Variants in KCND2 observed in about 807,000 individuals in gnomAD.
The protein encoded by KCND2 is potassium voltage-gated channel subfamily D member 2.
Under a neutral mutation model 54.4 loss-of-function variants are expected in KCND2, and 16 were observed. The ratio of observed to expected loss-of-function variants is 0.29; its 90% CI spans 0.20 to 0.45. The LOEUF (loss-of-function observed/expected upper bound fraction) is 0.45. Among genes scored for constraint, KCND2 ranks in the 20% least tolerant of loss-of-function variants. KCND2 has a pLI of 1.00. For missense variants in KCND2, 486 were observed against 824.2 expected (o/e 0.59, Z 5.02); for synonymous variants, 317 against 310.7 (o/e 1.02, Z -0.21).
At chr7:120,289,200 C>T (rs1799398108) in intron 1 of KCND2, among the ~76,000 whole-genome samples, 1 of 152,002 alleles carries the variant, frequency 6.6e-6, no homozygotes, top group Admixed American at 6.6e-5. Flanking sequence ...GGCCCCTATT[C>T]TGTAGCAGGC....
rs869059871 is a variant in KCND2, at chr7:120,712,241, A to ATTTTTTTTTTTTTTTT, written c.1116-20637_1116-20622dup. ...TTTTCTTTGAATTTTGGATATCTGAATTTTTTTTTTTTTTTTTTTTTTTTT... is the reference window on the plus strand; with the variant it reads ...TTTTCTTTGAATTTTGGATATCTGAATTTTTTTTTTTTTTTTTTTTTTTTTTTTTTTTTTTTTTTTT... On this transcript the variant is annotated intron_variant, in intron 1 of 5. Coordinates refer to ENST00000331113, the MANE Select transcript of KCND2 (RefSeq NM_012281.3). Among the ~76,000 whole-genome samples the ATTTTTTTTTTTTTTTT allele has an allele frequency of 7.2e-4, 25 of 34,784 alleles. 11 individuals carry two copies. Among genetic ancestry groups the ATTTTTTTTTTTTTTTT allele is most frequent in the Non-Finnish European group, 1.1e-3 (20 of 18,962 alleles). The allele number at this position is 34,784 out of a possible 152,430, so 22.8% of individuals were successfully genotyped here.
chr7:120,568,062 T>C (rs1055812384), intron 1 of KCND2, among the ~76,000 whole-genome samples: 1 of 151,814 alleles, frequency 6.6e-6, no homozygotes, highest in Admixed American at 6.6e-5. Context: ...CAATTTCCAA[T>C]TTAAAGCATC....
intron 5 of KCND2, among the ~76,000 whole-genome samples, 189 bp from the exon 6 acceptor site, chr7:120,747,492 T>C (rs1419578768): frequency 1.3e-5 from 2 of 152,112 alleles, no homozygotes; most frequent in Non-Finnish European, 2.9e-5. Context: ...TTTTAGAAAT[T>C]TATTTAATGT....
intron 1 of KCND2, among the ~76,000 whole-genome samples, chr7:120,527,131 C>G (rs756600242): frequency 5.9e-5 from 9 of 152,024 alleles, no homozygotes; most frequent in Non-Finnish European, 1.5e-5. Flanking sequence ...TATATCGTTA[C>G]ACAGTATATA....
chr7:120,665,856 C>T (rs1238555674), intron 1 of KCND2, among the ~76,000 whole-genome samples: 1 of 151,966 alleles, frequency 6.6e-6, no homozygotes, highest in Non-Finnish European at 1.5e-5. Flanking sequence ...TAAACATGCA[C>T]ACCCAATCAG....
rs1799651612 is a variant in KCND2, at chr7:120,306,359, G to A, written c.1115+30612G>A. Among the ~76,000 whole-genome samples, 4 of 151,748 alleles carry A rather than the reference G, an allele frequency of 2.6e-5. No individual in the cohort carries two copies. The South Asian group carries it at 8.3e-4, about 32-fold the overall frequency. On this transcript the variant is annotated intron_variant, in intron 1 of 5. Coordinates refer to ENST00000331113, the MANE Select transcript of KCND2 (RefSeq NM_012281.3). ...TTAAAACTGATATTTTTGAACAATGGTTTAGACTTTGTTTTGAGCTCCTTG... is the reference window on the plus strand; with the variant it reads ...TTAAAACTGATATTTTTGAACAATGATTTAGACTTTGTTTTGAGCTCCTTG...
chr7:120,426,259 G>A (rs1801704425), intron 1 of KCND2, among the ~76,000 whole-genome samples: 1 of 151,970 alleles, frequency 6.6e-6, no homozygotes, highest in Non-Finnish European at 1.5e-5. Context: ...CCCAAAGATA[G>A]AAAAATCTAT....
Position 120,306,010 on chromosome 7 carries a change from T to C in KCND2, c.1115+30263T>C, listed in dbSNP as rs1799647931. On this transcript the variant is annotated intron_variant, in intron 1 of 5. Transcript: ENST00000331113. ...GGGGATAAATGGCTTTACAGTAGAA[T>C]TGTTTGAAAATTTGTTCAGATAACA... Among the ~76,000 whole-genome samples, 3 of 152,238 alleles carry C rather than the reference T, an allele frequency of 2.0e-5. No individual in the cohort carries two copies. The South Asian group carries it at 6.2e-4, about 32-fold the overall frequency.
intron 1 of KCND2, among the ~76,000 whole-genome samples, chr7:120,488,364 A>G (rs1802724244): frequency 6.6e-6 from 1 of 152,200 alleles, no homozygotes; most frequent in Non-Finnish European, 1.5e-5. Context: ...ACATTTGGTG[A>G]TATAAAATAA....
intron 1 of KCND2, among the ~76,000 whole-genome samples, chr7:120,388,202 A>T (rs1003629720): frequency 2.6e-5 from 4 of 152,074 alleles, no homozygotes; most frequent in African/African-American, 9.6e-5. Context: ...CTCCCAAGGA[A>T]CCTTTTTTTA....
intron 1 of KCND2, among the ~76,000 whole-genome samples, chr7:120,568,669 G>A (rs1176615252): frequency 6.6e-6 from 1 of 152,006 alleles, no homozygotes; most frequent in Non-Finnish European, 1.5e-5. Context: ...CAGACTGCCT[G>A]GTTTCTAACT....
intron 1 of KCND2, among the ~76,000 whole-genome samples, chr7:120,537,933 A>G (rs1457565807): frequency 6.6e-6 from 1 of 152,170 alleles, no homozygotes; most frequent in Non-Finnish European, 1.5e-5. Flanking sequence ...CTTTATTATC[A>G]TTCATGAGTT....
chr7:120,706,464 C>T (rs1792469814), intron 1 of KCND2, among the ~76,000 whole-genome samples: 1 of 152,164 alleles, frequency 6.6e-6, no homozygotes, highest in Non-Finnish European at 1.5e-5. Flanking sequence ...TCTGTGTCTT[C>T]ACATGGCAGA....
chr7:120,639,005 G>T (rs1351363021), intron 1 of KCND2, among the ~76,000 whole-genome samples: 1 of 152,074 alleles, frequency 6.6e-6, no homozygotes, highest in Non-Finnish European at 1.5e-5. Context: ...TCCTGCGAGT[G>T]TTTTAAAGTC....
intron 1 of KCND2, among the ~76,000 whole-genome samples, chr7:120,711,259 G>C (rs1332051076): frequency 3.4e-4 from 51 of 151,994 alleles, no homozygotes; most frequent in Non-Finnish European, 2.9e-5. Context: ...CAAAGATACA[G>C]ATTTCATCAG....
chr7:120,648,589 G>T (rs1194959877), intron 1 of KCND2, among the ~76,000 whole-genome samples: 2 of 152,178 alleles, frequency 1.3e-5, no homozygotes, highest in African/African-American at 4.8e-5. Context: ...TGAAAAGGAT[G>T]CCTCTGTGCA....
chr7:120,667,910 A>G (rs765107524), intron 1 of KCND2, among the ~76,000 whole-genome samples: 9 of 152,090 alleles, frequency 5.9e-5, no homozygotes, highest in Non-Finnish European at 1.2e-4. Context: ...TAAAGACAAC[A>G]TGTAATACCA....
intron 1 of KCND2, among the ~76,000 whole-genome samples, chr7:120,560,164 G>C (rs1478691990): frequency 6.6e-6 from 1 of 152,142 alleles, no homozygotes; most frequent in Admixed American, 6.5e-5. Flanking sequence ...TAACTCATAA[G>C]TAATTCAACA....
At chr7:120,619,460 C>G (rs1056854688) in intron 1 of KCND2, among the ~76,000 whole-genome samples, 2 of 152,156 alleles carry the variant, frequency 1.3e-5, no homozygotes, top group Non-Finnish European at 2.9e-5. Flanking sequence ...AAAAATGCAA[C>G]TAAGCTTTTT....
Sources: allele counts gnomAD v4.1 joint callset (sites outside exome capture counted in the v4.1 genomes callset), GRCh38; gene constraint gnomAD v4.1.1; transcripts MANE v1.5; gene names NCBI Gene and HGNC (gene_info 2026-07-23, HGNC 2026-07-21).